Variants in ST14 observed in about 807,000 individuals in gnomAD.
ST14 encodes ST14 transmembrane serine protease matriptase, also known as suppressor of tumorigenicity 14 protein.
Under a neutral mutation model 96.5 loss-of-function variants are expected in ST14, and 40 were observed. The observed-to-expected ratio is 0.41, with a 90% CI of 0.32 to 0.54. The LOEUF is 0.54. Among genes scored for constraint, ST14 ranks in the 20% least tolerant of loss-of-function variants. The pLI, the probability that ST14 is intolerant of heterozygous loss-of-function variation, is 0.17. For synonymous variants in ST14, 506 were observed against 492.1 expected (o/e 1.03, Z -0.37); for missense variants, 1,066 against 1,188.9 (o/e 0.90, Z 1.52).
intron 7 of ST14, among the ~76,000 whole-genome samples, chr11:130,192,458 G>T (rs979710764): frequency 6.6e-6 from 1 of 152,028 alleles, no homozygotes; most frequent in Admixed American, 6.6e-5. Context: ...GCAAGATCTC[G>T]GCTCACCGCA....
intron 4 of ST14, chr11:130,189,473 A>G: frequency 3.6e-6 from 2 of 553,718 alleles, no homozygotes; most frequent in South Asian, 4.2e-5. Context: ...GCCAAACTCC[A>G]ATGGGTTTCC....
chr11:130,207,900 G>A (rs560597684), intron 16 of ST14, among the ~76,000 whole-genome samples: 2 of 152,170 alleles, frequency 1.3e-5, no homozygotes, highest in African/African-American at 2.4e-5. Flanking sequence ...ATGAAATCCC[G>A]TCTCTATTAA....
At position 130,173,744 on chromosome 11, in the gene ST14, G is replaced by A. The variant is rs528138270; in HGVS notation, c.81+13684G>A. On this transcript the variant is annotated intron_variant, in intron 1 of 18. Transcript: ENST00000278742. ...ATCCTTGGCTGGCCCACATCTACCCGCCCTTGTCACTCTGTCCCGACCCAT... is the reference window on the plus strand; with the variant it reads ...ATCCTTGGCTGGCCCACATCTACCCACCCTTGTCACTCTGTCCCGACCCAT... 9.9e-5 allele frequency among the ~76,000 whole-genome samples: 15 copies of A among 152,160 alleles called. No homozygotes were observed. The South Asian group carries it at 2.5e-3, about 25-fold the overall frequency.
In ST14 at chr11:130,209,908, C is replaced by G. The variant is rs990069376; in HGVS notation, c.*85C>G. The G allele has an allele frequency of 6.6e-7, 1 of 1,520,800 alleles. No individual in the cohort carries two copies. Among genetic ancestry groups the G allele is most frequent in the South Asian group, 1.1e-5 (1 of 87,394 alleles). 94.2% of individuals were successfully genotyped at this position (1,520,800 alleles called of 1,614,324 possible). A position where few individuals can be genotyped will look rare whatever the true frequency, so the allele number is the denominator to read the frequency against. ...CACGCCTGCAGGCTGGAGACTGGAC[C>G]GCTGACTGCACCAGCGCCCCCAGAA... On this transcript the variant is annotated 3_prime_UTR_variant, in exon 19 of 19. Coordinates refer to ENST00000278742, the MANE Select transcript of ST14 (RefSeq NM_021978.4).
intron 1 of ST14, among the ~76,000 whole-genome samples, chr11:130,171,924 C>T (rs375979207): frequency 6.6e-6 from 1 of 152,210 alleles, no homozygotes; most frequent in East Asian, 1.9e-4. Context: ...GCCACGAAGA[C>T]AACAAGACCC....
At chr11:130,208,861 A>C (rs906756938) in intron 17 of ST14, among the ~76,000 whole-genome samples, 177 bp downstream of exon 17, 3 of 152,188 alleles carry the variant, frequency 2.0e-5, no homozygotes, top group African/African-American at 7.2e-5. Context: ...TGGGATTTGC[A>C]GCCTGGGCTC....
At chr11:130,178,445 A>G (rs1953161868) in intron 1 of ST14, among the ~76,000 whole-genome samples, 1 of 92,944 alleles carries the variant, frequency 1.1e-5, no homozygotes, top group Non-Finnish European at 1.8e-5. Flanking sequence ...GGTGCTCTGT[A>G]CAAGGCTCCT....
intron 16 of ST14, among the ~76,000 whole-genome samples, chr11:130,200,414 G>A (rs1299153000): frequency 6.6e-6 from 1 of 152,166 alleles, no homozygotes; most frequent in Non-Finnish European, 1.5e-5. Flanking sequence ...GAAGGTGAAG[G>A]GGGAGAAGGC....
At position 130,197,930 on chromosome 11, in the gene ST14, G is replaced by T; in HGVS notation, c.1444G>T (p.Asp482Tyr). 6.3e-7 allele frequency: 1 copy of T among 1,589,922 alleles called. No individual in the cohort carries two copies. Among genetic ancestry groups the T allele is most frequent in the Non-Finnish European group, 8.5e-7 (1 of 1,170,846 alleles). ...DGWADCTDHS[D>Y]ELNCSCDAGH... ...CTGGGCCGACTGCACCGACCACAGC[G>T]ATGAGCTCAACTGCAGTGAGTCAGG... is the stretch of plus-strand genomic sequence containing the variant. Residue 482 changes from aspartate (D) to tyrosine (Y), a missense_variant, in exon 12 of 19, where the codon GAT becomes TAT. By Grantham distance (160) the Asp-to-Tyr change is radical. Coordinates refer to ENST00000278742, the MANE Select transcript of ST14 (RefSeq NM_021978.4).
At chr11:130,194,062 G>T in intron 7 of ST14, 87 bp from the exon 8 acceptor site, 2 of 1,590,366 alleles carry the variant, frequency 1.3e-6, no homozygotes, top group Admixed American at 3.3e-5. Flanking sequence ...GGGGTCCTCA[G>T]GCACCTCTGC....
At chr11:130,197,310 G>A (rs990914229) in intron 11 of ST14, among the ~76,000 whole-genome samples, 18 of 152,202 alleles carry the variant, frequency 1.2e-4, no homozygotes, top group Non-Finnish European at 1.8e-4. Context: ...GTGCCGAGGC[G>A]GTGACAATGG....
intron 1 of ST14, 136 bp downstream of exon 1, chr11:130,160,196 T>G: frequency 1.8e-6 from 1 of 570,328 alleles, no homozygotes; most frequent in Non-Finnish European, 2.6e-6. Context: ...GAATTTCCTG[T>G]TCAGCGGGTG....
chr11:130,165,204 C>T (rs61913749), intron 1 of ST14, among the ~76,000 whole-genome samples: 1,830 of 152,304 alleles, frequency 0.012, 14 homozygotes, highest in Middle Eastern at 0.024. Context: ...ACAGGGCTGT[C>T]AGCCCACAGG....
chr11:130,179,002 G>C (rs776333958), intron 1 of ST14, among the ~76,000 whole-genome samples: 2 of 152,306 alleles, frequency 1.3e-5, no homozygotes, highest in South Asian at 2.1e-4. Flanking sequence ...AGCAAAGTTC[G>C]ACCTGGCACA....
intron 11 of ST14, 44 bp downstream of exon 11, chr11:130,196,744 C>T (rs763117613): frequency 2.4e-5 from 38 of 1,613,778 alleles, no homozygotes; most frequent in South Asian, 2.1e-4. Flanking sequence ...GGGCCTGCAC[C>T]GCATGTTCTG....
chr11:130,198,908 G>A (rs758781856), intron 14 of ST14, 39 bp from the exon 15 acceptor site: 5 of 1,612,974 alleles, frequency 3.1e-6, no homozygotes, highest in African/African-American at 1.3e-5. Context: ...GGATGCTGCA[G>A]AGGAATTGAG....
At chr11:130,169,508 T>G (rs1269369328) in intron 1 of ST14, among the ~76,000 whole-genome samples, 1 of 152,108 alleles carries the variant, frequency 6.6e-6, no homozygotes, top group African/African-American at 2.4e-5. Context: ...CAGAAGGCCA[T>G]GGGCATCCTC....
At chr11:130,186,488 T>C (rs1367154078) in intron 1 of ST14, among the ~76,000 whole-genome samples, 1 of 152,184 alleles carries the variant, frequency 6.6e-6, no homozygotes, top group Non-Finnish European at 1.5e-5. Flanking sequence ...AAATAAGTTA[T>C]TTAACAGATG....
At position 130,196,471 on chromosome 11, in the gene ST14, G is replaced by A. The variant is rs542071143; in HGVS notation, c.1223+23G>A. On this transcript the variant is annotated intron_variant, in intron 10 of 18. Coordinates refer to ENST00000278742, the MANE Select transcript of ST14 (RefSeq NM_021978.4). ...GAAGTGAGTCCCCGGGGGTATGGGG[G>A]CTGCCGGGCCCATGCTGCAGGGGGA... The A allele has an allele frequency of 3.1e-5, 49 of 1,597,160 alleles. No homozygotes were observed. In the South Asian group the frequency reaches 5.3e-4, roughly 17 times the overall value.
Sources: allele counts gnomAD v4.1 joint callset (sites outside exome capture counted in the v4.1 genomes callset), GRCh38; gene constraint gnomAD v4.1.1; transcripts MANE v1.5; gene names NCBI Gene and HGNC (gene_info 2026-07-23, HGNC 2026-07-21).